Variants in TMEM117 observed in about 807,000 individuals in gnomAD.
TMEM117 encodes the protein transmembrane protein 117.
In TMEM117, 27 loss-of-function variants were observed where a neutral mutation model predicts 52.4. That is an observed-to-expected ratio of 0.51 (90% CI 0.38 to 0.71). The LOEUF (loss-of-function observed/expected upper bound fraction) is 0.71, where lower values mean the gene tolerates loss of function less well. TMEM117 is among the 30% of genes least tolerant of loss of function. TMEM117 has a pLI of 0.00. For missense variants in TMEM117, 556 were observed against 630.5 expected (o/e 0.88, Z 1.26); for synonymous variants, 215 against 206.3 (o/e 1.04, Z -0.36).
At chr12:44,152,302 TTATATATAATCATATCATATAAATATA>T (rs1358944725) in intron 4 of TMEM117, among the ~76,000 whole-genome samples, 12 of 111,816 alleles carry the variant, frequency 1.1e-4, no homozygotes, top group African/African-American at 3.7e-4. Context: ...TTTATAATAT[TTATATATAATCATATCATATAAATATA>T]TATATTATAT....
chr12:43,822,304 C>T, the TMEM117 span, among the ~76,000 whole-genome samples: 1 of 152,112 alleles, frequency 6.6e-6, no homozygotes, highest in African/African-American at 2.4e-5. Context: ...GACAGAGAAA[C>T]TCTCAGAACA....
chr12:44,117,694 A>G (rs1376421056), intron 3 of TMEM117, among the ~76,000 whole-genome samples: 2 of 152,170 alleles, frequency 1.3e-5, no homozygotes, highest in Non-Finnish European at 2.9e-5. Flanking sequence ...CACTTACTTT[A>G]GAGCTTCACT....
At chr12:44,217,114 A>T (rs1000407045) in intron 5 of TMEM117, among the ~76,000 whole-genome samples, 3 of 152,208 alleles carry the variant, frequency 2.0e-5, no homozygotes, top group African/African-American at 7.2e-5. Flanking sequence ...AGAGTAACAT[A>T]ATAATCATAA....
At chr12:44,357,243 G>C (rs1026837937) in intron 6 of TMEM117, among the ~76,000 whole-genome samples, 2 of 152,034 alleles carry the variant, frequency 1.3e-5, no homozygotes, top group African/African-American at 4.8e-5. Flanking sequence ...TCTGTTCCTT[G>C]GCACTTTCCT....
intron 6 of TMEM117, among the ~76,000 whole-genome samples, chr12:44,356,664 T>C (rs565466417): frequency 3.3e-5 from 5 of 152,244 alleles, no homozygotes; most frequent in Admixed American, 3.3e-4. Context: ...ATCCCTTTAG[T>C]CTCTCAAGTA....
chr12:44,068,877 C>G (rs1444060570), intron 3 of TMEM117, among the ~76,000 whole-genome samples: 2 of 152,066 alleles, frequency 1.3e-5, no homozygotes, highest in Non-Finnish European at 2.9e-5. Context: ...TGAAGTAAAG[C>G]ACAATAAAAT....
chr12:44,232,199 G>C (rs1283321493), intron 5 of TMEM117, among the ~76,000 whole-genome samples: 1 of 151,294 alleles, frequency 6.6e-6, no homozygotes, highest in Non-Finnish European at 1.5e-5. Context: ...GTTTTATTAA[G>C]AACAAAAAGG....
At chr12:44,297,510 G>A (rs1234554488) in intron 5 of TMEM117, among the ~76,000 whole-genome samples, 1 of 152,118 alleles carries the variant, frequency 6.6e-6, no homozygotes, top group Non-Finnish European at 1.5e-5. Context: ...AAGAAAGTGG[G>A]ATATAAGGAA....
At chr12:44,179,193 C>CA (rs1949156167) in intron 4 of TMEM117, among the ~76,000 whole-genome samples, 1 of 151,560 alleles carries the variant, frequency 6.6e-6, no homozygotes. Context: ...GACTCTATCT[C>CA]AAAAAAACAA....
intron 3 of TMEM117, chr12:44,009,699 G>C (rs1946258475): frequency 4.1e-6 from 1 of 245,504 alleles, no homozygotes; most frequent in Admixed American, 4.0e-5. Context: ...CCTCCCAGGA[G>C]CACTGCCTTC....
At chr12:44,108,150 T>G (rs1947994316) in intron 3 of TMEM117, among the ~76,000 whole-genome samples, 1 of 152,112 alleles carries the variant, frequency 6.6e-6, no homozygotes. Context: ...ATAGTTTACT[T>G]CATCTCTTTC....
chr12:43,907,017 C>A (rs940952361), intron 2 of TMEM117, among the ~76,000 whole-genome samples: 1 of 152,224 alleles, frequency 6.6e-6, no homozygotes, highest in African/African-American at 2.4e-5. Flanking sequence ...GCCTGCCTGC[C>A]TCTGTAGGCT....
chr12:44,347,899 C>G (rs1469938043), intron 6 of TMEM117, among the ~76,000 whole-genome samples: 1 of 151,970 alleles, frequency 6.6e-6, no homozygotes, highest in Non-Finnish European at 1.5e-5. Context: ...GCCTTGCTGT[C>G]GAGCAATTGA....
intron 5 of TMEM117, chr12:44,248,866 G>T: frequency 6.4e-6 from 1 of 156,628 alleles, no homozygotes. Flanking sequence ...GCCACTGTTT[G>T]TGTCTTAACC....
chr12:43,860,813 T>C (rs1258524828), intron 2 of TMEM117, among the ~76,000 whole-genome samples: 1 of 152,218 alleles, frequency 6.6e-6, no homozygotes, highest in Non-Finnish European at 1.5e-5. Context: ...CCAATAAACA[T>C]ATAAATCCGT....
intron 2 of TMEM117, among the ~76,000 whole-genome samples, chr12:43,863,276 AAACAAAC>A (rs1943522039): frequency 1.6e-5 from 2 of 123,858 alleles, no homozygotes; most frequent in Non-Finnish European, 3.6e-5. Flanking sequence ...ACAAACAAAC[AAACAAAC>A]AAAACTTCAA....
intron 6 of TMEM117, among the ~76,000 whole-genome samples, chr12:44,308,810 G>A (rs1950936562): frequency 6.6e-6 from 1 of 151,840 alleles, no homozygotes; most frequent in Non-Finnish European, 1.5e-5. Context: ...TAGTAGAGAC[G>A]GGGTTTCACC....
At chr12:43,891,822 A>G (rs1192740844) in intron 2 of TMEM117, among the ~76,000 whole-genome samples, 2 of 152,038 alleles carry the variant, frequency 1.3e-5, no homozygotes, top group Non-Finnish European at 2.9e-5. Context: ...ACTTACTCTC[A>G]GCTTCCTTAG....
At chr12:44,038,475 G>A (rs892184737) in intron 3 of TMEM117, among the ~76,000 whole-genome samples, 8 of 152,160 alleles carry the variant, frequency 5.3e-5, no homozygotes, top group African/African-American at 9.7e-5. Flanking sequence ...ATGGCTGTGC[G>A]CAGTGACTGC....
Sources: allele counts gnomAD v4.1 joint callset (sites outside exome capture counted in the v4.1 genomes callset), GRCh38; gene constraint gnomAD v4.1.1; transcripts MANE v1.5; gene names NCBI Gene and HGNC (gene_info 2026-07-23, HGNC 2026-07-21).